The following SERINC5 variants were observed in gnomAD, a reference collection of about 807,000 sequenced individuals.
SERINC5 encodes serine incorporator 5, also known as chromosome 5 open reading frame 12.
Under a neutral mutation model 63.1 loss-of-function variants are expected in SERINC5, and 41 were observed. The ratio of observed to expected loss-of-function variants is 0.65; its 90% CI spans 0.51 to 0.84. The LOEUF (loss-of-function observed/expected upper bound fraction) is 0.84, where lower values mean the gene tolerates loss of function less well. Among genes scored for constraint, SERINC5 ranks in the 40% least tolerant of loss-of-function variants. SERINC5 has a pLI of 0.00. For synonymous variants in SERINC5, 222 were observed against 215.2 expected, an observed-to-expected ratio of 1.03 and a Z score of -0.28; for missense variants, 523 against 573.0, an observed-to-expected ratio of 0.91 and a Z score of 0.89.
At chr5:80,253,726 G>A (rs907746194) in intron 1 of SERINC5, among the ~76,000 whole-genome samples, 3 of 152,118 alleles carry the variant, frequency 2.0e-5, no homozygotes, top group South Asian at 2.1e-4. Context: ...CTTACCACAC[G>A]GCCTTCTGAC....
chr5:80,147,293 G>A lies in SERINC5; in HGVS notation c.1054-9C>T, dbSNP rs768778288. The A allele has an allele frequency of 6.5e-5, 105 of 1,605,344 alleles. No individual in the cohort carries two copies. The highest frequency in any genetic ancestry group is 7.7e-5 in the Non-Finnish European group (91 of 1,176,424). The stretch of plus-strand genomic sequence containing the variant: ...AAACAACAGCGAGCTATCTGTGAAA[G>A]CAAAAGCAACAGTCAGGCGGCTTGT... On this transcript the variant is annotated splice_polypyrimidine_tract_variant and intron_variant, in intron 9 of 11. Coordinates refer to ENST00000507668, the MANE Select transcript of SERINC5 (RefSeq NM_001174072.3).
chr5:80,205,722 G>A (rs1219155749), intron 1 of SERINC5, among the ~76,000 whole-genome samples: 1 of 152,072 alleles, frequency 6.6e-6, no homozygotes, highest in Admixed American at 6.6e-5. Flanking sequence ...TTTGTGGCCT[G>A]GCTTTGCCAC....
chr5:80,224,133 CAAAA>C (rs33915521), intron 1 of SERINC5, among the ~76,000 whole-genome samples: 1 of 102,156 alleles, frequency 9.8e-6, no homozygotes, highest in East Asian at 2.9e-4. Flanking sequence ...AACTCCGTCT[CAAAA>C]AAAAAAAAAA....
intron 8 of SERINC5, among the ~76,000 whole-genome samples, chr5:80,156,636 C>T (rs559700056): frequency 6.6e-6 from 1 of 152,266 alleles, no homozygotes; most frequent in East Asian, 1.9e-4. Flanking sequence ...TTTACGAATT[C>T]AATAACAATG....
intron 2 of SERINC5, among the ~76,000 whole-genome samples, chr5:80,198,831 C>T (rs960428076): frequency 2.0e-5 from 3 of 152,232 alleles, no homozygotes; most frequent in Non-Finnish European, 4.4e-5. Flanking sequence ...GGATCTCATT[C>T]CCTACGCAGG....
chr5:80,220,746 G>A (rs1750863120), intron 1 of SERINC5, among the ~76,000 whole-genome samples: 2 of 152,072 alleles, frequency 1.3e-5, no homozygotes, highest in African/African-American at 2.4e-5. Flanking sequence ...ACAGGAAACT[G>A]AGGGGTGAAG....
intron 1 of SERINC5, among the ~76,000 whole-genome samples, chr5:80,218,829 C>G (rs1750781851): frequency 6.6e-6 from 1 of 152,110 alleles, no homozygotes; most frequent in African/African-American, 2.4e-5. Flanking sequence ...GCTCTCCCCA[C>G]AAACCACATC....
rs78310898 is a variant in SERINC5, at chr5:80,194,323, G to A, written c.195+8563C>T. Among the ~76,000 whole-genome samples the A allele has an allele frequency of 1.1e-3, 162 of 152,274 alleles. 3 individuals are homozygous for A. The East Asian group carries it at 0.027, about 25-fold the overall frequency. On this transcript the variant is annotated intron_variant, in intron 2 of 11. Coordinates refer to ENST00000507668, the MANE Select transcript of SERINC5 (RefSeq NM_001174072.3). ...TGCCAGCCCCTGATGCAGGTCTCAGGTACAGTGTGCTCTGAACATTCAACC... is the reference window on the plus strand; with the variant it reads ...TGCCAGCCCCTGATGCAGGTCTCAGATACAGTGTGCTCTGAACATTCAACC...
Position 80,119,506 on chromosome 5 carries a change from C to T in SERINC5, c.1239-5881G>A, listed in dbSNP as rs1015415213. 8.5e-5 allele frequency among the ~76,000 whole-genome samples: 13 copies of T among 152,346 alleles called. No individual in the cohort carries two copies. The East Asian group carries it at 2.3e-3, about 27-fold the overall frequency. On this transcript the variant is annotated intron_variant, in intron 11 of 12. Transcript: ENST00000509193. ...CAGAGAACAGGGCCACCAGGGCAGG[C>T]ACATAGAACTAACTGCACTCACTGC...
At chr5:80,114,002 T>C (rs1744235856) in intron 11 of SERINC5, among the ~76,000 whole-genome samples, 4 of 151,984 alleles carry the variant, frequency 2.6e-5, no homozygotes, top group Admixed American at 2.0e-4. Context: ...GTCCTCAAGA[T>C]AACCCGATGT....
rs943279082 is a variant in SERINC5, at chr5:80,143,589, C to A, written c.*74G>T. The A allele has an allele frequency of 1.1e-5, 16 of 1,488,180 alleles. No homozygotes were observed. The highest frequency in any genetic ancestry group is 2.2e-4 in the Middle Eastern group (1 of 4,476). The allele number at this position is 1,488,180 out of a possible 1,614,324, so 92.2% of individuals were successfully genotyped here. On this transcript the variant is annotated 3_prime_UTR_variant, in exon 12 of 12. Transcript: ENST00000507668. ...CTCAGGCACAGGGCGCCAGTCCCTG[C>A]CCCGGGGACACTGTTCAAAAGATGG...
rs558585393 is a variant in SERINC5 at position 80,178,074 on chromosome 5, A to G, written c.196-10T>C. The stretch of plus-strand genomic sequence containing the variant: ...CTTCAAAAAAAGGAATCTGAGGAGA[A>G]AGTTTAGAAAAGTCATCTGTTACAA... On this transcript the variant is annotated splice_polypyrimidine_tract_variant and intron_variant, in intron 2 of 11. Transcript: ENST00000507668. 1.5e-5 allele frequency: 23 copies of G among 1,576,174 alleles called. No homozygotes were observed. The East Asian group carries it at 4.3e-4, about 29-fold the overall frequency.
At chr5:80,188,703 C>G (rs181817183) in intron 2 of SERINC5, among the ~76,000 whole-genome samples, 9 of 152,204 alleles carry the variant, frequency 5.9e-5, no homozygotes, top group Admixed American at 2.0e-4. Flanking sequence ...CTGGGCAGCA[C>G]AGTGAGAGAC....
chr5:80,198,850 C>T (rs1248570881), intron 2 of SERINC5, among the ~76,000 whole-genome samples: 2 of 152,184 alleles, frequency 1.3e-5, no homozygotes, highest in Non-Finnish European at 2.9e-5. Context: ...GGACACCCAG[C>T]CAAACCATTT....
At chr5:80,178,545 T>G (rs1227695966) in intron 2 of SERINC5, among the ~76,000 whole-genome samples, 1 of 134,670 alleles carries the variant, frequency 7.4e-6, no homozygotes, top group African/African-American at 2.9e-5. Flanking sequence ...GTATTTTTTT[T>G]TTTTTTTTTT....
intron 1 of SERINC5, among the ~76,000 whole-genome samples, chr5:80,218,677 A>G (rs910373591): frequency 9.2e-5 from 14 of 151,726 alleles, no homozygotes; most frequent in Non-Finnish European, 1.9e-4. Context: ...CTGTCTCAAA[A>G]AAAAAAAAAA....
chr5:80,166,021 T>A (rs1329107734), intron 7 of SERINC5, among the ~76,000 whole-genome samples: 1 of 152,220 alleles, frequency 6.6e-6, no homozygotes, highest in Admixed American at 6.5e-5. Flanking sequence ...TGAGATGTTT[T>A]AATACAGGTG....
intron 1 of SERINC5, among the ~76,000 whole-genome samples, chr5:80,212,226 G>A (rs557329391): frequency 6.6e-6 from 1 of 152,270 alleles, no homozygotes; most frequent in South Asian, 2.1e-4. Flanking sequence ...GGGGCACAGT[G>A]GGGAAGTTCC....
At chr5:80,178,395 C>A in intron 2 of SERINC5, among the ~76,000 whole-genome samples, 1 of 128,046 alleles carries the variant, frequency 7.8e-6, no homozygotes. Context: ...GTCTCTCTGG[C>A]TCTGTTGCCC....
Sources: gnomAD v4.1 joint callset for allele counts (sites outside exome capture counted in the v4.1 genomes callset) on GRCh38, gnomAD v4.1.1 for gene constraint, MANE v1.5 for transcripts, NCBI Gene and HGNC (gene_info 2026-07-23, HGNC 2026-07-21) for gene names.